LZTR1: variants seen among roughly 807,000 people sequenced by gnomAD.
LZTR1 encodes leucine-zipper-like transcriptional regulator 1.
Under a neutral mutation model 105.7 loss-of-function variants are expected in LZTR1, and 260 were observed. That is an observed-to-expected ratio of 2.46 (90% CI 2.22 to 2.72). The LOEUF is 2.72. Among genes scored for constraint, LZTR1 ranks in the 30% most tolerant of loss-of-function variants. The probability of loss-of-function intolerance (pLI) is 0.00; values close to 1 mark genes in which losing one functional copy is unlikely to be tolerated. For missense variants in LZTR1, 1,214 were observed against 1,166.9 expected (o/e 1.04, Z -0.59); for synonymous variants, 490 against 476.4 (o/e 1.03, Z -0.37).
At chr22:20,986,029 C>T (rs562391306) in intron 3 of LZTR1, 132 bp downstream of exon 3, 65 of 934,324 alleles carry the variant, frequency 7.0e-5, no homozygotes, top group South Asian at 2.3e-4. Context: ...GAGATAACCA[C>T]GGCCTCAGGG....
rs777054968 is a variant in LZTR1, at chr22:20,990,405, T to TC, written c.677dup (p.Ser227IlefsTer33). The TC allele has an allele frequency of 3.7e-6, 6 of 1,613,782 alleles. No individual in the cohort carries two copies. Among genetic ancestry groups the TC allele is most frequent in the Non-Finnish European group, 5.1e-6 (6 of 1,179,982 alleles). On this transcript the variant is annotated frameshift_variant, in exon 8 of 21. Coordinates refer to ENST00000646124, the MANE Select transcript of LZTR1 (RefSeq NM_006767.4). LOFTEE classifies it high-confidence loss of function. ...CTGCAGGTGGCCCAGAGTGGCGAGA[T>TC]CCCCCCATCTTGCTGCAACTTCCCC...
chr22:20,988,902 C>G, intron 6 of LZTR1, 30 bp downstream of exon 6: 1 of 1,593,204 alleles, frequency 6.3e-7, no homozygotes, highest in Non-Finnish European at 8.6e-7. Flanking sequence ...GTGCACCCCA[C>G]CTCCGACAGC....
intron 12 of LZTR1, 35 bp from the exon 13 acceptor site, chr22:20,993,889 C>T (rs1199594895): frequency 6.3e-7 from 1 of 1,595,918 alleles, no homozygotes; most frequent in Non-Finnish European, 8.5e-7. Context: ...GGCGAGGGTC[C>T]TGTGCCCTCT....
chr22:20,995,169 C>T, intron 16 of LZTR1, 143 bp downstream of exon 16: 1 of 914,476 alleles, frequency 1.1e-6, no homozygotes, highest in Non-Finnish European at 1.7e-6. Context: ...CTCCTGGGTA[C>T]AGGGAGGAAA....
intron 9 of LZTR1, 106 bp from the exon 10 acceptor site, chr22:20,992,108 C>T (rs1924626911): frequency 6.0e-6 from 7 of 1,175,724 alleles, no homozygotes; most frequent in South Asian, 1.4e-5. Context: ...CCATGCAGCT[C>T]TTCCTTCTTT....
chr22:20,984,056 C>T (rs1371939303), intron 2 of LZTR1, among the ~76,000 whole-genome samples: 2 of 152,226 alleles, frequency 1.3e-5, no homozygotes, highest in African/African-American at 2.4e-5. Context: ...CCTGCTCAGG[C>T]CCTTGCACTG....
rs779677120 is a variant in LZTR1, at chr22:20,995,951, C to G, written c.2070-12C>G. 1.9e-6 allele frequency: 3 copies of G among 1,613,462 alleles called. No homozygotes were observed. The highest frequency in any genetic ancestry group is 2.5e-6 in the Non-Finnish European group (3 of 1,180,024). On this transcript the variant is annotated splice_polypyrimidine_tract_variant and intron_variant, in intron 17 of 20. Transcript: ENST00000646124. ...TGCTGACGGCCAGGTGCCTACCGCTCGTTGTCTGCAGCTACTTTGAAGCCA... is the reference window on the plus strand; with the variant it reads ...TGCTGACGGCCAGGTGCCTACCGCTGGTTGTCTGCAGCTACTTTGAAGCCA...
At position 20,994,231 on chromosome 22, in the gene LZTR1, A is replaced by C; in HGVS notation, c.1577A>C (p.Gln526Pro). Reference sequence around the variant, plus strand: ...GCCCGGCCCTTCGAGGTGCTCATGCAGTTCCTCTACACCGACAAGATCAAA... The same window carrying C: ...GCCCGGCCCTTCGAGGTGCTCATGCCGTTCCTCTACACCGACAAGATCAAA... ...AEARPFEVLM[Q>P]FLYTDKIKYP... is the part of the protein sequence containing the mutation. Residue 526 changes from glutamine (Q) to proline (P), a missense_variant, in exon 14 of 21, where the codon CAG becomes CCG. Transcript: ENST00000646124. 1 of 1,600,194 alleles carries C rather than the reference A, an allele frequency of 6.2e-7. No homozygotes were observed. Among genetic ancestry groups the C allele is most frequent in the Non-Finnish European group, 8.5e-7 (1 of 1,179,520 alleles).
rs1924445694 is a variant in LZTR1 at position 20,987,689 on chromosome 22, G to T, written c.400+106G>T. 3 of 1,037,372 alleles carry T rather than the reference G, an allele frequency of 2.9e-6. No homozygotes were observed. The East Asian group carries it at 7.2e-5, about 25-fold the overall frequency. The allele number at this position is 1,037,372 out of a possible 1,614,324, so 64.3% of individuals were successfully genotyped here. On this transcript the variant is annotated intron_variant, in intron 4 of 20. Coordinates refer to ENST00000646124, the MANE Select transcript of LZTR1 (RefSeq NM_006767.4). ...TGTGCTCGTGCTGTGTACAGCAGGG[G>T]CTCTCTCTCCACCCGTGGCTTTGTC...
Position 20,992,806 on chromosome 22 carries a change from AG to A in LZTR1, c.1164del (p.Arg388SerfsTer73). On this transcript the variant is annotated frameshift_variant, in exon 11 of 21. Transcript: ENST00000646124. LOFTEE classifies it high-confidence loss of function. ...TQPASELPSG[R>X]LFHAAAVISD... is the part of the protein sequence containing the mutation. The stretch of plus-strand genomic sequence containing the variant: ...TCTTGTCCCCCAGCTGCCCAGTGGG[AG>A]GCTCTTCCACGCGGCTGCTGTCATC... 6.3e-7 allele frequency: 1 copy of A among 1,597,540 alleles called. No homozygotes were observed. Among genetic ancestry groups the A allele is most frequent in the Non-Finnish European group, 8.5e-7 (1 of 1,171,384 alleles).
Position 20,994,991 on chromosome 22 carries a change from C to A in LZTR1, c.1907C>A (p.Pro636His). ...VEIVRRKQQP[P>H]PRTPLDQPVD... The stretch of plus-strand genomic sequence containing the variant: ...ATTGTGCGGCGGAAGCAGCAGCCGC[C>A]CCCTCGCACTCCCTTGGACCAGCCA... Residue 636 changes from proline to histidine, a missense_variant, in exon 16 of 21, where the codon CCC (proline) becomes CAC (histidine). By Grantham distance (77) the Pro-to-His change is moderately conservative. Transcript: ENST00000646124. 1 of 1,612,920 alleles carries A rather than the reference C, an allele frequency of 6.2e-7. No individual in the cohort carries two copies. Among genetic ancestry groups the A allele is most frequent in the Non-Finnish European group, 8.5e-7 (1 of 1,179,948 alleles).
intron 14 of LZTR1, 109 bp from the exon 15 acceptor site, chr22:20,994,449 G>T: frequency 7.4e-7 from 1 of 1,351,734 alleles, no homozygotes; most frequent in Non-Finnish European, 1.0e-6. Flanking sequence ...CCGAGGCCTT[G>T]TTCCTACCTA....
At position 20,989,626 on chromosome 22, in the gene LZTR1, T is replaced by C; in HGVS notation, c.595T>C (p.Leu199=). ...IFAGYDGNAR[L]NDMWTIGLQD... is the part of the protein sequence containing the mutation. ...CCTCACTGGTCTGTCCTAATACAGG[T>C]TGAATGACATGTGGACAATTGGCCT... The change falls in exon 7 of 21, where the codon TTG becomes CTG. Residue 199 remains leucine, a splice_region_variant and synonymous_variant. Transcript: ENST00000646124. The C allele has an allele frequency of 6.2e-7, 1 of 1,613,496 alleles. No individual in the cohort carries two copies. Among genetic ancestry groups the C allele is most frequent in the Non-Finnish European group, 8.5e-7 (1 of 1,179,844 alleles).
In LZTR1 at chr22:20,994,179, C is replaced by CT. The variant is rs1924719573; in HGVS notation, c.1526dup (p.His510AlafsTer159). The CT allele has an allele frequency of 6.2e-7, 1 of 1,601,992 alleles. No homozygotes were observed. ...TGCTGGTGGGGCCCGGCCGCCCCTG[C>CT]TGCACGTGGCCATCCGGGAGGCCGA... On this transcript the variant is annotated frameshift_variant, in exon 14 of 21. Coordinates refer to ENST00000646124, the MANE Select transcript of LZTR1 (RefSeq NM_006767.4). LOFTEE classifies it high-confidence loss of function.
In LZTR1 at chr22:20,992,861, C is replaced by T. The variant is rs375451574; in HGVS notation, c.1217C>T (p.Thr406Met). 3 of 1,609,926 alleles carry T rather than the reference C, an allele frequency of 1.9e-6. No individual in the cohort carries two copies. The highest frequency in any genetic ancestry group is 2.5e-6 in the Non-Finnish European group (3 of 1,178,234). The change falls in exon 11 of 21, where the codon ACG becomes ATG. Residue 406 changes from threonine to methionine, a missense_variant. Physicochemically the swap from Thr to Met is moderately conservative, Grantham distance 81 (BLOSUM62 -1). Coordinates refer to ENST00000646124, the MANE Select transcript of LZTR1 (RefSeq NM_006767.4). ...GACGCCATGTACATCTTCGGGGGCA[C>T]GGTGGACAACAACATCCGCAGCGGG... is the stretch of plus-strand genomic sequence containing the variant. ...ISDAMYIFGG[T>M]VDNNIRSGEM...
At chr22:20,988,670 G>C (rs550753290) in intron 5 of LZTR1, 119 bp from the exon 6 acceptor site, 2 of 718,032 alleles carry the variant, frequency 2.8e-6, no homozygotes, top group Admixed American at 3.8e-5. Context: ...TGAAGCCCCA[G>C]TGTCGGGTGG....
intron 8 of LZTR1, 134 bp from the exon 9 acceptor site, chr22:20,991,494 C>T (rs1924602515): frequency 2.8e-6 from 2 of 702,364 alleles, no homozygotes; most frequent in African/African-American, 3.6e-5. Context: ...GGTGTCTAGG[C>T]CCTCCCTCTG....
In LZTR1 at chr22:20,997,343, A is replaced by C; in HGVS notation, c.2518A>C (p.Ile840Leu). 1 of 1,610,210 alleles carries C rather than the reference A, an allele frequency of 6.2e-7. No homozygotes were observed. Among genetic ancestry groups the C allele is most frequent in the South Asian group, 1.1e-5 (1 of 91,022 alleles). ...DKQCAELGAD[I>L] is the part of the protein sequence containing the mutation. ...GCAGTGCGCAGAGCTGGGCGCCGAC[A>C]TCTGAGGCCCTGTGGCGCCTGCCCA... The change falls in exon 21 of 21, where the codon ATC becomes CTC. Residue 840 changes from isoleucine (I) to leucine (L), a missense_variant. Coordinates refer to ENST00000646124, the MANE Select transcript of LZTR1 (RefSeq NM_006767.4).
chr22:20,985,990 A>G, intron 3 of LZTR1, 93 bp downstream of exon 3: 1 of 1,333,348 alleles, frequency 7.5e-7, no homozygotes, highest in Non-Finnish European at 1.1e-6. Context: ...CTCTCTCATC[A>G]TGGGAAGCTA....
Sources: gnomAD v4.1 joint callset for allele counts (sites outside exome capture counted in the v4.1 genomes callset) on GRCh38, gnomAD v4.1.1 for gene constraint, MANE v1.5 for transcripts, NCBI Gene and HGNC (gene_info 2026-07-23, HGNC 2026-07-21) for gene names.